Variants in MDGA2 observed in about 807,000 individuals in gnomAD.
MDGA2 encodes MAM domain containing glycosylphosphatidylinositol anchor 2.
A neutral mutation model predicts 117.8 loss-of-function variants in MDGA2; 40 were observed. The observed-to-expected ratio is 0.34, with a 90% CI of 0.26 to 0.44. The LOEUF is 0.44. Among genes scored for constraint, MDGA2 ranks in the 20% least tolerant of loss-of-function variants. The pLI, the probability that MDGA2 is intolerant of heterozygous loss-of-function variation, is 1.00. For synonymous variants in MDGA2, 452 were observed against 439.0 expected (o/e 1.03, Z -0.37); for missense variants, 1,123 against 1,250.6 (o/e 0.90, Z 1.54).
chr14:47,480,834 T>G (rs1893939807), intron 1 of MDGA2, among the ~76,000 whole-genome samples: 1 of 151,914 alleles, frequency 6.6e-6, no homozygotes, highest in African/African-American at 2.4e-5. Context: ...TAGGACAACG[T>G]GCTATTGTAA....
intron 1 of MDGA2, among the ~76,000 whole-genome samples, chr14:47,520,136 G>C (rs748665959): frequency 5.9e-5 from 9 of 152,112 alleles, no homozygotes; most frequent in Non-Finnish European, 1.0e-4. Flanking sequence ...ATATTCCCTA[G>C]GAAGCATCAC....
chr14:47,038,517 C>T (rs993841245), intron 7 of MDGA2, among the ~76,000 whole-genome samples: 5 of 152,004 alleles, frequency 3.3e-5, no homozygotes, highest in Non-Finnish European at 7.4e-5. Context: ...ACTTTCCTCC[C>T]TGCTGAATTA....
intron 1 of MDGA2, among the ~76,000 whole-genome samples, chr14:47,346,393 T>C (rs1054700341): frequency 1.3e-5 from 2 of 152,142 alleles, no homozygotes; most frequent in African/African-American, 4.8e-5. Flanking sequence ...GATTAAAAAA[T>C]ATGCAAATTT....
intron 8 of MDGA2, among the ~76,000 whole-genome samples, chr14:47,014,205 T>C (rs962184277): frequency 2.0e-5 from 3 of 152,118 alleles, no homozygotes; most frequent in Non-Finnish European, 4.4e-5. Context: ...CCATAAACTA[T>C]GCTGTAAATA....
chr14:47,084,658 A>C (rs778886770), intron 6 of MDGA2, among the ~76,000 whole-genome samples: 1 of 152,158 alleles, frequency 6.6e-6, no homozygotes, highest in African/African-American at 2.4e-5. Flanking sequence ...GGAGCTTTTC[A>C]GAAGGAATTA....
intron 5 of MDGA2, among the ~76,000 whole-genome samples, chr14:47,111,621 C>G (rs768411120): frequency 6.6e-6 from 1 of 152,126 alleles, no homozygotes; most frequent in Non-Finnish European, 1.5e-5. Context: ...TCACATCTCA[C>G]ACATACAAAA....
chr14:47,500,257 C>T (rs1894372517), intron 1 of MDGA2, among the ~76,000 whole-genome samples: 1 of 152,026 alleles, frequency 6.6e-6, no homozygotes, highest in South Asian at 2.1e-4. Context: ...GAACAATTGA[C>T]CATTTAGAGG....
At chr14:47,102,092 A>G (rs1476196774) in intron 5 of MDGA2, among the ~76,000 whole-genome samples, 1 of 152,106 alleles carries the variant, frequency 6.6e-6, no homozygotes. Context: ...TCCTTTTTAA[A>G]ATCTGAAAGC....
intron 1 of MDGA2, among the ~76,000 whole-genome samples, chr14:47,413,987 A>G (rs945993781): frequency 6.6e-6 from 1 of 152,152 alleles, no homozygotes; most frequent in African/African-American, 2.4e-5. Flanking sequence ...TACCAGATGC[A>G]GGCTTTCTAG....
At chr14:47,430,420 T>G (rs1466663303) in intron 1 of MDGA2, among the ~76,000 whole-genome samples, 1 of 152,098 alleles carries the variant, frequency 6.6e-6, no homozygotes, top group Non-Finnish European at 1.5e-5. Flanking sequence ...TTTCTAGGAT[T>G]ATCTTACATA....
chr14:47,461,169 G>C (rs958752408), intron 1 of MDGA2, among the ~76,000 whole-genome samples: 1 of 152,074 alleles, frequency 6.6e-6, no homozygotes, highest in East Asian at 1.9e-4. Context: ...GCTAGACATG[G>C]AGTCAAATCA....
chr14:47,652,501 T>C (rs1897663217), intron 1 of MDGA2, among the ~76,000 whole-genome samples: 1 of 152,204 alleles, frequency 6.6e-6, no homozygotes, highest in Non-Finnish European at 1.5e-5. Flanking sequence ...CAGTTTCCTT[T>C]ATCTGAAAAT....
At chr14:46,993,067 TA>T (rs11422200) in intron 8 of MDGA2, among the ~76,000 whole-genome samples, 126 of 147,862 alleles carry the variant, frequency 8.5e-4, no homozygotes, top group Middle Eastern at 7.0e-3. Context: ...TAGTTATCCT[TA>T]AAAAAAAAAA....
chr14:47,636,958 C>A (rs1383286835), intron 1 of MDGA2, among the ~76,000 whole-genome samples: 1 of 149,814 alleles, frequency 6.7e-6, no homozygotes, highest in Non-Finnish European at 1.5e-5. Context: ...GGTGACAGAG[C>A]GAGACTCTGT....
At chr14:47,600,280 T>A (rs568814869) in intron 1 of MDGA2, among the ~76,000 whole-genome samples, 23 of 151,820 alleles carry the variant, frequency 1.5e-4, no homozygotes, top group African/African-American at 5.6e-4. Context: ...ATTTTGTATT[T>A]TTTGGGGATT....
Position 47,335,745 on chromosome 14 carries a change from T to TATATATATATATATATAC in MDGA2, c.281-34196_281-34195insGTATATATATATATATAT. On this transcript the variant is annotated intron_variant, in intron 1 of 16. Transcript: ENST00000399232. ...TGCACACATATATTTTATATATATA[T>TATATATATATATATATAC]ATACATACATACATACAGGATCACT... Among the ~76,000 whole-genome samples the TATATATATATATATATAC allele has an allele frequency of 4.9e-3, 466 of 95,548 alleles. 14 individuals are homozygous for TATATATATATATATATAC. The highest frequency in any genetic ancestry group is 0.015 in the Middle Eastern group (3 of 200). The allele number at this position is 95,548 out of a possible 152,430, so 62.7% of individuals were successfully genotyped here.
intron 1 of MDGA2, among the ~76,000 whole-genome samples, chr14:47,661,591 C>T (rs373722555): frequency 3.9e-5 from 6 of 152,026 alleles, no homozygotes; most frequent in South Asian, 2.1e-4. Flanking sequence ...ATTAATAGAA[C>T]GGCAGGGATG....
At chr14:47,606,724 G>T (rs1465443039) in intron 1 of MDGA2, among the ~76,000 whole-genome samples, 1 of 152,098 alleles carries the variant, frequency 6.6e-6, no homozygotes, top group East Asian at 1.9e-4. Context: ...TTTCCCACTG[G>T]GAAGAAATGG....
intron 10 of MDGA2, among the ~76,000 whole-genome samples, chr14:46,886,034 G>A (rs936173552): frequency 1.3e-5 from 2 of 152,054 alleles, no homozygotes; most frequent in Non-Finnish European, 2.9e-5. Context: ...GAAAAGACAG[G>A]TTGTAATAAA....
Sources: allele counts gnomAD v4.1 joint callset (sites outside exome capture counted in the v4.1 genomes callset), GRCh38; gene constraint gnomAD v4.1.1; transcripts MANE v1.5; gene names NCBI Gene and HGNC (gene_info 2026-07-23, HGNC 2026-07-21).